WWOX: variants seen among roughly 807,000 people sequenced by gnomAD.
WWOX encodes WW domain containing oxidoreductase, also known as WW domain-containing oxidoreductase.
In WWOX, 69 loss-of-function variants were observed where a neutral mutation model predicts 46.2. That is an observed-to-expected ratio of 1.49 (90% CI 1.23 to 1.82). The LOEUF is 1.82. Ranked by LOEUF, WWOX falls within the 40% of genes most tolerant of loss-of-function variation. WWOX has a pLI of 0.00. For synonymous variants in WWOX, 359 were observed against 202.6 expected (o/e 1.77, Z -6.56); for missense variants, 919 against 542.6 (o/e 1.69, Z -6.89).
At chr16:78,919,011 T>A (rs561537593) in intron 8 of WWOX, among the ~76,000 whole-genome samples, 3 of 152,224 alleles carry the variant, frequency 2.0e-5, no homozygotes, top group African/African-American at 7.2e-5. Context: ...AGTCGTGGTG[T>A]CAGGTAGTGT....
intron 8 of WWOX, among the ~76,000 whole-genome samples, chr16:79,130,859 G>A (rs2049863560): frequency 1.3e-5 from 2 of 152,172 alleles, no homozygotes; most frequent in South Asian, 2.1e-4. Context: ...AGCTACTGCG[G>A]GTGTGTGAGC....
chr16:78,640,449 C>T (rs1476288169), intron 8 of WWOX, among the ~76,000 whole-genome samples: 2 of 151,996 alleles, frequency 1.3e-5, no homozygotes, highest in African/African-American at 2.4e-5. Flanking sequence ...CCACATTCTG[C>T]ACCTCCCAGG....
intron 8 of WWOX, among the ~76,000 whole-genome samples, chr16:78,950,069 G>T (rs150967815): frequency 3.3e-5 from 5 of 152,282 alleles, no homozygotes; most frequent in African/African-American, 9.6e-5. Flanking sequence ...GAATTTGGGC[G>T]ATGATACCAG....
chr16:78,712,017 C>A (rs2048454667), intron 8 of WWOX, among the ~76,000 whole-genome samples: 1 of 152,134 alleles, frequency 6.6e-6, no homozygotes, highest in Admixed American at 6.6e-5. Flanking sequence ...GCCCCAACGT[C>A]CTCCCAATCA....
intron 8 of WWOX, among the ~76,000 whole-genome samples, chr16:78,731,036 A>G (rs2048957914): frequency 6.6e-6 from 1 of 152,128 alleles, no homozygotes; most frequent in Non-Finnish European, 1.5e-5. Context: ...ACTATCCAAC[A>G]CATTATGTTT....
chr16:78,924,392 C>A (rs766697281), intron 8 of WWOX, among the ~76,000 whole-genome samples: 2 of 152,124 alleles, frequency 1.3e-5, no homozygotes, highest in Non-Finnish European at 2.9e-5. Context: ...ACTTGTCTAT[C>A]CACAAATATT....
chr16:78,102,295 T>C (rs2151656220), intron 1 of WWOX, among the ~76,000 whole-genome samples: 1 of 152,100 alleles, frequency 6.6e-6, no homozygotes, highest in East Asian at 1.9e-4. Context: ...AGAGACCCCC[T>C]GCATGGCCTG....
chr16:78,937,403 T>C (rs2045760920), intron 8 of WWOX, among the ~76,000 whole-genome samples: 1 of 150,996 alleles, frequency 6.6e-6, no homozygotes, highest in Non-Finnish European at 1.5e-5. Context: ...ATGTAAATTA[T>C]GGAGGTGCTA....
At chr16:79,125,645 C>G (rs956450750) in intron 8 of WWOX, among the ~76,000 whole-genome samples, 1 of 152,120 alleles carries the variant, frequency 6.6e-6, no homozygotes, top group Non-Finnish European at 1.5e-5. Context: ...AGTTCTGGGC[C>G]ATAACTCTAG....
chr16:78,645,834 A>G (rs1407365434), intron 8 of WWOX, among the ~76,000 whole-genome samples: 1 of 152,140 alleles, frequency 6.6e-6, no homozygotes, highest in East Asian at 1.9e-4. Flanking sequence ...AGGTGTTGGC[A>G]GGGCTGGGCT....
chr16:78,206,452 C>T (rs1012151016), intron 5 of WWOX, among the ~76,000 whole-genome samples: 2 of 151,828 alleles, frequency 1.3e-5, no homozygotes, highest in Admixed American at 6.6e-5. Context: ...AAATGTTGAC[C>T]CCATTTTGGT....
intron 4 of WWOX, among the ~76,000 whole-genome samples, chr16:78,151,237 C>A (rs1462381622): frequency 6.6e-6 from 1 of 152,014 alleles, no homozygotes; most frequent in African/African-American, 2.4e-5. Flanking sequence ...GTATGTATTT[C>A]TTATTATATC....
At chr16:78,626,679 G>A (rs576253767) in intron 8 of WWOX, among the ~76,000 whole-genome samples, 16 of 152,186 alleles carry the variant, frequency 1.1e-4, no homozygotes, top group African/African-American at 3.4e-4. Context: ...GTGTTGCTGT[G>A]CCCAGCTCAT....
intron 8 of WWOX, among the ~76,000 whole-genome samples, chr16:79,134,060 G>C (rs375803703): frequency 6.6e-6 from 1 of 152,204 alleles, no homozygotes; most frequent in African/African-American, 2.4e-5. Flanking sequence ...GGCCATAGAG[G>C]TTTGGTTGTC....
At chr16:78,747,381 T>A (rs1007557742) in intron 8 of WWOX, among the ~76,000 whole-genome samples, 1 of 152,032 alleles carries the variant, frequency 6.6e-6, no homozygotes, top group East Asian at 1.9e-4. Flanking sequence ...CTAACACAGT[T>A]TAAATATCAC....
intron 8 of WWOX, among the ~76,000 whole-genome samples, chr16:78,571,638 G>A (rs1209515833): frequency 2.0e-5 from 3 of 152,164 alleles, no homozygotes; most frequent in Non-Finnish European, 4.4e-5. Context: ...GGAGTCCAAG[G>A]CAGGTGGATT....
At chr16:78,532,431 C>G (rs902005731) in intron 8 of WWOX, among the ~76,000 whole-genome samples, 3 of 151,974 alleles carry the variant, frequency 2.0e-5, no homozygotes, top group Admixed American at 2.0e-4. Flanking sequence ...TAGGCTCTCC[C>G]CTGAAGCTGA....
chr16:78,824,896 C>A (rs1253599338), intron 8 of WWOX, among the ~76,000 whole-genome samples: 2 of 152,136 alleles, frequency 1.3e-5, no homozygotes, highest in African/African-American at 4.8e-5. Context: ...GGAAGCGACA[C>A]ACCTTTCCTT....
At chr16:78,480,748 C>A (rs1199810069) in intron 8 of WWOX, among the ~76,000 whole-genome samples, 1 of 152,202 alleles carries the variant, frequency 6.6e-6, no homozygotes, top group Non-Finnish European at 1.5e-5. Context: ...GGCCATTTCC[C>A]CAGGGAGAGG....
Sources: allele counts gnomAD v4.1 joint callset (sites outside exome capture counted in the v4.1 genomes callset), GRCh38; gene constraint gnomAD v4.1.1; transcripts MANE v1.5; gene names NCBI Gene and HGNC (gene_info 2026-07-23, HGNC 2026-07-21).